Variants in NUP62CL observed in about 807,000 individuals in gnomAD.
NUP62CL encodes nucleoporin-62 C-terminal-like protein.
A neutral mutation model predicts 15.3 loss-of-function variants in NUP62CL; 13 were observed. The ratio of observed to expected loss-of-function variants is 0.85; its 90% CI spans 0.55 to 1.35. NUP62CL has a LOEUF of 1.35. Ranked by LOEUF, NUP62CL falls within the 40% of genes most tolerant of loss-of-function variation. The pLI is 0.00. For missense variants in NUP62CL, 123 were observed against 130.6 expected (o/e 0.94, Z 0.28); for synonymous variants, 54 against 49.2 (o/e 1.10, Z -0.41).
intron 8 of NUP62CL, among the ~76,000 whole-genome samples, chrX:107,138,410 C>T (rs1925691658): frequency 8.9e-6 from 1 of 111,839 alleles, no homozygotes; most frequent in Non-Finnish European, 1.9e-5. Context: ...TTGCAAACCA[C>T]ATATGTGACA....
At chrX:107,132,079 G>A (rs979303992) in intron 8 of NUP62CL, 13 of 1,143,213 alleles carry the variant, frequency 1.1e-5, no homozygotes, top group African/African-American at 1.8e-5. Flanking sequence ...AAATGAAGAC[G>A]AAGAAGTGGT....
intron 7 of NUP62CL, among the ~76,000 whole-genome samples, chrX:107,152,359 G>A (rs1441205642): frequency 9.3e-6 from 1 of 107,520 alleles, no homozygotes; most frequent in Non-Finnish European, 1.9e-5. Flanking sequence ...CACAAAGGTT[G>A]AAATACAAAA....
At chrX:107,151,954 C>T (rs1310373418) in intron 7 of NUP62CL, among the ~76,000 whole-genome samples, 1 of 100,485 alleles carries the variant, frequency 1.0e-5, no homozygotes, top group Non-Finnish European at 2.0e-5. Flanking sequence ...CGCTTGAACC[C>T]AGGAGGCAGA....
intron 3 of NUP62CL, among the ~76,000 whole-genome samples, chrX:107,173,952 A>G (rs187146749): frequency 1.8e-5 from 2 of 110,608 alleles, no homozygotes; most frequent in Admixed American, 9.6e-5. Context: ...AGAAACCTTG[A>G]AAGAAGTCAG....
At chrX:107,133,271 T>G (rs1483916989) in intron 8 of NUP62CL, among the ~76,000 whole-genome samples, 1 of 111,493 alleles carries the variant, frequency 9.0e-6, no homozygotes, top group Non-Finnish European at 1.9e-5. Context: ...CCATTCCTAC[T>G]GTTAAATGTC....
At chrX:107,183,975 T>A (rs1277870168) in intron 2 of NUP62CL, among the ~76,000 whole-genome samples, 1 of 110,027 alleles carries the variant, frequency 9.1e-6, no homozygotes, top group African/African-American at 3.3e-5. Flanking sequence ...GGGGCAGGAA[T>A]CCCCACTCCA....
intron 7 of NUP62CL, among the ~76,000 whole-genome samples, chrX:107,150,308 G>A (rs1381030424): frequency 8.9e-6 from 1 of 111,732 alleles, no homozygotes; most frequent in Non-Finnish European, 1.9e-5. Flanking sequence ...GAATAAGGGA[G>A]AAAAGCATGA....
intron 8 of NUP62CL, among the ~76,000 whole-genome samples, chrX:107,142,486 G>T (rs1193470651): frequency 6.2e-5 from 7 of 112,057 alleles, no homozygotes; most frequent in Non-Finnish European, 1.3e-4. Flanking sequence ...AATTGTGGAA[G>T]AAATATATTT....
At chrX:107,137,609 T>C (rs1925671820) in intron 8 of NUP62CL, among the ~76,000 whole-genome samples, 1 of 111,759 alleles carries the variant, frequency 8.9e-6, no homozygotes, top group African/African-American at 3.3e-5. Flanking sequence ...TTGCGTAACA[T>C]AATACCATTC....
At chrX:107,161,410 A>G (rs1266137969) in intron 4 of NUP62CL, among the ~76,000 whole-genome samples, 4 of 94,954 alleles carry the variant, frequency 4.2e-5, no homozygotes. Flanking sequence ...AGACTGGATC[A>G]AGAAAATGTG....
At chrX:107,141,961 G>C (rs961644840) in intron 8 of NUP62CL, among the ~76,000 whole-genome samples, 1 of 109,549 alleles carries the variant, frequency 9.1e-6, no homozygotes, top group African/African-American at 3.3e-5. Flanking sequence ...TCGGGAGGCA[G>C]AATCACTTGA....
intron 4 of NUP62CL, among the ~76,000 whole-genome samples, chrX:107,164,293 A>G (rs1926456755): frequency 8.9e-6 from 1 of 112,035 alleles, no homozygotes; most frequent in African/African-American, 3.2e-5. Context: ...TTTAAGAAGT[A>G]TATAGAGCTG....
chrX:107,193,093 A>G (rs755882755), intron 1 of NUP62CL, 21 bp from the exon 2 acceptor site: 1 of 112,167 alleles, frequency 8.9e-6, no homozygotes, highest in Non-Finnish European at 1.9e-5. Flanking sequence ...ATAAGAGAAG[A>G]ATGGGAAAAA....
At position 107,133,526 on chromosome X, in the gene NUP62CL, G is replaced by A. The variant is rs184413245; in HGVS notation, c.*43-9194C>T. 4.1e-4 allele frequency among the ~76,000 whole-genome samples: 46 copies of A among 111,003 alleles called. No individual in the cohort carries two copies. In the Admixed American group the frequency reaches 4.4e-3, roughly 11 times the overall value. On this transcript the variant is annotated intron_variant, in intron 8 of 8. Coordinates refer to ENST00000372466, the MANE Select transcript of NUP62CL (RefSeq NM_017681.3). ...TTTTTTTACATTTTTTTTAAGAGAT[G>A]GGTTCTCATTATGTTGCCCAGGCTG...
At chrX:107,182,816 C>CA (rs927150683) in intron 2 of NUP62CL, among the ~76,000 whole-genome samples, 2 of 110,921 alleles carry the variant, frequency 1.8e-5, no homozygotes, top group African/African-American at 3.3e-5. Context: ...ACAAAATAAC[C>CA]AAAAAAATAA....
intron 1 of NUP62CL, among the ~76,000 whole-genome samples, chrX:107,199,783 T>C (rs747068812): frequency 2.7e-5 from 3 of 111,900 alleles, no homozygotes; most frequent in Non-Finnish European, 5.6e-5. Flanking sequence ...ACATCATTAA[T>C]TAGAGAGGCA....
chrX:107,157,821 G>C (rs1926246361), intron 4 of NUP62CL, among the ~76,000 whole-genome samples: 1 of 111,214 alleles, frequency 9.0e-6, no homozygotes, highest in Non-Finnish European at 1.9e-5. Context: ...CCAATTAAAA[G>C]ACACAGACTG....
chrX:107,189,922 A>AAAGG (rs1927192474), intron 2 of NUP62CL, among the ~76,000 whole-genome samples: 15 of 107,352 alleles, frequency 1.4e-4, no homozygotes, highest in African/African-American at 4.8e-4. Flanking sequence ...AGAAAGAAAG[A>AAAGG]AAGAAAGAAA....
At chrX:107,171,889 T>C (rs1334714784) in intron 3 of NUP62CL, among the ~76,000 whole-genome samples, 2 of 109,944 alleles carry the variant, frequency 1.8e-5, no homozygotes, top group Admixed American at 9.7e-5. Flanking sequence ...TTTTTGGTCA[T>C]TGTTTTATGG....
Sources: gnomAD v4.1 joint callset for allele counts (sites outside exome capture counted in the v4.1 genomes callset) on GRCh38, gnomAD v4.1.1 for gene constraint, MANE v1.5 for transcripts, NCBI Gene and HGNC (gene_info 2026-07-23, HGNC 2026-07-21) for gene names.